Variants in TCF12 observed in about 807,000 individuals in gnomAD.
TCF12 encodes transcription factor 12.
Under a neutral mutation model 86.0 loss-of-function variants are expected in TCF12, and 45 were observed. That is an observed-to-expected ratio of 0.52 (90% CI 0.41 to 0.67). The LOEUF (loss-of-function observed/expected upper bound fraction) is 0.67. Among genes scored for constraint, TCF12 ranks in the 30% least tolerant of loss-of-function variants. The probability of loss-of-function intolerance (pLI) is 0.00; values close to 1 mark genes in which losing one functional copy is unlikely to be tolerated. For synonymous variants in TCF12, 330 were observed against 299.6 expected (o/e 1.10, Z -1.05); for missense variants, 881 against 859.9 (o/e 1.02, Z -0.31).
intron 3 of TCF12, among the ~76,000 whole-genome samples, chr15:56,997,585 A>G (rs568193336): frequency 4.6e-5 from 7 of 152,338 alleles, no homozygotes; most frequent in South Asian, 2.1e-4. Flanking sequence ...CAGTATACCT[A>G]TGTAACAAAC....
intron 3 of TCF12, among the ~76,000 whole-genome samples, chr15:56,990,334 A>G (rs1044681666): frequency 4.7e-4 from 71 of 151,918 alleles, no homozygotes; most frequent in African/African-American, 1.6e-3. Flanking sequence ...TTGTTACTTC[A>G]AAACTGTATC....
intron 5 of TCF12, among the ~76,000 whole-genome samples, chr15:57,153,813 G>T (rs1402141976): frequency 6.6e-6 from 1 of 151,910 alleles, no homozygotes; most frequent in Non-Finnish European, 1.5e-5. Context: ...CTTGAGGGCA[G>T]GAGTTCCAGA....
chr15:57,219,157 C>T (rs1466056521), intron 8 of TCF12: 7 of 1,069,076 alleles, frequency 6.5e-6, no homozygotes, highest in Non-Finnish European at 7.9e-6. Context: ...AGTATGCCTT[C>T]CTTTTGTGTG....
intron 14 of TCF12, 200 bp from the exon 15 acceptor site, chr15:57,252,221 A>G (rs1201769604): frequency 6.7e-6 from 3 of 450,580 alleles, no homozygotes; most frequent in African/African-American, 2.0e-5. Flanking sequence ...ATTATAAGCA[A>G]TGTGTGCTGT....
At chr15:57,055,856 T>G (rs776856489) in intron 3 of TCF12, among the ~76,000 whole-genome samples, 12 of 152,170 alleles carry the variant, frequency 7.9e-5, no homozygotes, top group Non-Finnish European at 1.8e-4. Context: ...TTTGTGAATT[T>G]TTTGGCCTTA....
chr15:57,114,089 A>G (rs1037053354), intron 5 of TCF12, among the ~76,000 whole-genome samples: 1 of 152,192 alleles, frequency 6.6e-6, no homozygotes. Flanking sequence ...AACCATATAT[A>G]AGCCTAACAA....
At chr15:57,044,601 AT>A (rs144495692) in intron 3 of TCF12, among the ~76,000 whole-genome samples, 2 of 150,816 alleles carry the variant, frequency 1.3e-5, no homozygotes, top group Admixed American at 1.3e-4. Context: ...AACTATTGTA[AT>A]TTTTTTTTCA....
chr15:57,209,259 T>C (rs1411577058), intron 8 of TCF12, among the ~76,000 whole-genome samples: 46 of 152,182 alleles, frequency 3.0e-4, no homozygotes, highest in Admixed American at 2.9e-3. Context: ...GAATTATATG[T>C]CCCATTTCTC....
chr15:57,244,382 T>C (rs1419982471), intron 13 of TCF12, among the ~76,000 whole-genome samples: 1 of 152,184 alleles, frequency 6.6e-6, no homozygotes, highest in African/African-American at 2.4e-5. Flanking sequence ...TTCTTGGGAA[T>C]GATGTGGTTT....
At chr15:57,069,492 T>C (rs1268260023) in intron 4 of TCF12, among the ~76,000 whole-genome samples, 1 of 152,230 alleles carries the variant, frequency 6.6e-6, no homozygotes, top group Non-Finnish European at 1.5e-5. Context: ...TTGCTCTTTC[T>C]TCCCTCTGTG....
At chr15:57,253,033 C>T (rs1294800912) in intron 15 of TCF12, among the ~76,000 whole-genome samples, 6 of 144,872 alleles carry the variant, frequency 4.1e-5, no homozygotes, top group East Asian at 4.1e-4. Context: ...TTGGTAAATT[C>T]GTTTTATAAA....
In TCF12 at chr15:57,116,680, G is replaced by A. The variant is rs556005317; in HGVS notation, c.325+24789G>A. Among the ~76,000 whole-genome samples the A allele has an allele frequency of 1.0e-3, 154 of 152,208 alleles. 2 individuals are homozygous for A. The highest frequency in any genetic ancestry group is 6.8e-3 in the Middle Eastern group (2 of 292). The stretch of plus-strand genomic sequence containing the variant: ...TATTATGTAGTATTTTCTAAGTCCA[G>A]ATTTTCTTTTAATAATTATTTAAAT... On this transcript the variant is annotated intron_variant, in intron 5 of 20. Transcript: ENST00000333725.
intron 5 of TCF12, among the ~76,000 whole-genome samples, chr15:57,098,851 TATC>T (rs1254946614): frequency 6.6e-6 from 1 of 152,196 alleles, no homozygotes; most frequent in Non-Finnish European, 1.5e-5. Flanking sequence ...GTTTAAACAA[TATC>T]ATCAGCCCTC....
At chr15:57,210,706 A>G (rs915882757) in intron 8 of TCF12, among the ~76,000 whole-genome samples, 32 of 152,198 alleles carry the variant, frequency 2.1e-4, no homozygotes, top group Non-Finnish European at 4.6e-4. Flanking sequence ...TTCAGTCTGA[A>G]ATCACCAGTG....
chr15:57,178,263 C>T (rs114337449), intron 6 of TCF12, among the ~76,000 whole-genome samples: 1,761 of 152,108 alleles, frequency 0.012, 33 homozygotes, highest in African/African-American at 0.04. Flanking sequence ...GTTAATTGTA[C>T]TTTTTTTTCC....
chr15:57,202,231 G>A (rs1230321836), intron 8 of TCF12, among the ~76,000 whole-genome samples: 2 of 152,094 alleles, frequency 1.3e-5, no homozygotes, highest in African/African-American at 4.8e-5. Flanking sequence ...CTTTTTGAGT[G>A]TTAAAATCTG....
chr15:57,072,038 G>C (rs1186961040), intron 4 of TCF12, among the ~76,000 whole-genome samples: 3 of 152,166 alleles, frequency 2.0e-5, no homozygotes, highest in Non-Finnish European at 4.4e-5. Context: ...TACACAAAAT[G>C]TTTTATAAAT....
chr15:57,116,015 C>T (rs777257022), intron 5 of TCF12, among the ~76,000 whole-genome samples: 2 of 152,156 alleles, frequency 1.3e-5, no homozygotes, highest in African/African-American at 2.4e-5. Flanking sequence ...GTTTTGGATT[C>T]TGTCATGATT....
intron 8 of TCF12, among the ~76,000 whole-genome samples, chr15:57,212,144 T>TAA (rs2058137826): frequency 6.6e-6 from 1 of 152,184 alleles, no homozygotes; most frequent in Admixed American, 6.5e-5. Context: ...TTTACCAAAA[T>TAA]AAAATGGTAA....
Sources: allele counts gnomAD v4.1 joint callset (sites outside exome capture counted in the v4.1 genomes callset), GRCh38; gene constraint gnomAD v4.1.1; transcripts MANE v1.5; gene names NCBI Gene and HGNC (gene_info 2026-07-23, HGNC 2026-07-21).